USP15: variants seen among roughly 807,000 people sequenced by gnomAD.
USP15 encodes the protein ubiquitin carboxyl-terminal hydrolase 15.
In USP15, 18 loss-of-function variants were observed where a neutral mutation model predicts 127.1. That is an observed-to-expected ratio of 0.14 (90% confidence interval 0.10 to 0.21). USP15 has a LOEUF of 0.21. Among genes scored for constraint, USP15 ranks in the 10% least tolerant of loss-of-function variants. The pLI, the probability that USP15 is intolerant of heterozygous loss-of-function variation, is 1.00. For synonymous variants in USP15, 364 were observed against 393.7 expected, an observed-to-expected ratio of 0.92 and a Z score of 0.89; for missense variants, 805 against 1,159.9, an observed-to-expected ratio of 0.69 and a Z score of 4.44.
intron 1 of USP15, among the ~76,000 whole-genome samples, chr12:62,292,986 G>A (rs1250442154): frequency 6.6e-6 from 1 of 152,172 alleles, no homozygotes; most frequent in Non-Finnish European, 1.5e-5. Flanking sequence ...AAAGTCCCCT[G>A]ATGGATATGC....
intron 2 of USP15, among the ~76,000 whole-genome samples, chr12:62,302,496 T>TG (rs1160478088): frequency 6.6e-6 from 1 of 152,190 alleles, no homozygotes; most frequent in Non-Finnish European, 1.5e-5. Context: ...ATGGGCTGCA[T>TG]GCGGCCCAGG....
intron 6 of USP15, 46 bp from the exon 7 acceptor site, chr12:62,349,175 A>G (rs774310497): frequency 8.6e-7 from 1 of 1,166,170 alleles, no homozygotes; most frequent in South Asian, 1.8e-5. Flanking sequence ...TTAATTTAAA[A>G]ATTCTTCATT....
At chr12:62,369,007 T>A (rs1185093699) in intron 8 of USP15, among the ~76,000 whole-genome samples, 1 of 152,154 alleles carries the variant, frequency 6.6e-6, no homozygotes, top group Admixed American at 6.5e-5. Flanking sequence ...ATTCATTGAG[T>A]CTCTACTATG....
At chr12:62,265,782 A>C (rs376019407) in intron 1 of USP15, among the ~76,000 whole-genome samples, 18 of 152,096 alleles carry the variant, frequency 1.2e-4, no homozygotes, top group African/African-American at 4.1e-4. Context: ...CCTGACCTCA[A>C]ATGATCCTCT....
At chr12:62,395,946 C>T (rs553892535) in intron 19 of USP15, among the ~76,000 whole-genome samples, 1 of 152,166 alleles carries the variant, frequency 6.6e-6, no homozygotes, top group South Asian at 2.1e-4. Flanking sequence ...TTCGTCAAAT[C>T]AACAAGATTT....
chr12:62,347,385 A>G (rs1349865103), intron 6 of USP15, among the ~76,000 whole-genome samples: 1 of 150,160 alleles, frequency 6.7e-6, no homozygotes, highest in East Asian at 1.9e-4. Context: ...TATTATATAT[A>G]ATATATATGT....
intron 2 of USP15, among the ~76,000 whole-genome samples, chr12:62,301,775 C>T (rs1302063118): frequency 6.6e-6 from 1 of 152,050 alleles, no homozygotes; most frequent in Non-Finnish European, 1.5e-5. Context: ...TTGTTTATAT[C>T]TTATTGGGAA....
At chr12:62,393,532 G>T in intron 19 of USP15, 1 of 177,860 alleles carries the variant, frequency 5.6e-6, no homozygotes, top group Non-Finnish European at 1.2e-5. Flanking sequence ...GTTTATCCTA[G>T]GAATTACTTC....
At chr12:62,390,009 C>A in intron 14 of USP15, 21 bp downstream of exon 14, 1 of 1,540,686 alleles carries the variant, frequency 6.5e-7, no homozygotes, top group South Asian at 1.2e-5. Context: ...GACAATTCTA[C>A]ATTGACAAAA....
chr12:62,277,483 T>G (rs2063526944), intron 1 of USP15: 1 of 152,102 alleles, frequency 6.6e-6, no homozygotes, highest in Non-Finnish European at 1.5e-5. Flanking sequence ...AAATGGCATA[T>G]AAAAGATTTT....
At chr12:62,320,616 T>G (rs1161641125) in intron 4 of USP15, among the ~76,000 whole-genome samples, 1 of 152,146 alleles carries the variant, frequency 6.6e-6, no homozygotes, top group African/African-American at 2.4e-5. Context: ...TCCTACTGAT[T>G]TAATGCCCTT....
At chr12:62,376,671 A>G (rs980440192) in intron 8 of USP15, among the ~76,000 whole-genome samples, 6 of 152,192 alleles carry the variant, frequency 3.9e-5, no homozygotes, top group East Asian at 1.9e-4. Flanking sequence ...TTCATTTGTC[A>G]TGATACATTC....
At chr12:62,346,468 G>C (rs1349354201) in intron 6 of USP15, among the ~76,000 whole-genome samples, 1 of 152,044 alleles carries the variant, frequency 6.6e-6, no homozygotes, top group Non-Finnish European at 1.5e-5. Context: ...AAATAGTTTT[G>C]ACCTCACCAA....
chr12:62,398,112 C>G (rs2067555731), intron 20 of USP15, among the ~76,000 whole-genome samples: 1 of 151,852 alleles, frequency 6.6e-6, no homozygotes, highest in South Asian at 2.1e-4. Context: ...CCACCTTTGC[C>G]TCCCGAGTAG....
At position 62,410,567 on chromosome 12, in the gene USP15, A is replaced by T. The variant is rs2068014442; in HGVS notation, c.*6192A>T. ...AATACTGCAAATTCAAACAGTAAAC[A>T]TCATTAATCCTAGATATTTGGGTAC... On this transcript the variant is annotated 3_prime_UTR_variant, in exon 22 of 22. Coordinates refer to ENST00000280377, the MANE Select transcript of USP15 (RefSeq NM_001252078.2). 6.6e-6 allele frequency: 1 copy of T among 152,176 alleles called. No individual in the cohort carries two copies. The highest frequency in any genetic ancestry group is 2.1e-4 in the South Asian group (1 of 4,836). 9.4% of individuals were successfully genotyped at this position (152,176 alleles called of 1,614,324 possible). A position where few individuals can be genotyped will look rare whatever the true frequency, so the allele number is the denominator to read the frequency against.
chr12:62,365,307 T>G (rs1279452891), intron 8 of USP15, among the ~76,000 whole-genome samples: 1 of 152,222 alleles, frequency 6.6e-6, no homozygotes, highest in Non-Finnish European at 1.5e-5. Flanking sequence ...TAATGACCAG[T>G]GATGAAGAGC....
chr12:62,322,212 C>G (rs2065004887), intron 5 of USP15, among the ~76,000 whole-genome samples: 1 of 152,186 alleles, frequency 6.6e-6, no homozygotes, highest in Non-Finnish European at 1.5e-5. Flanking sequence ...ACTGCAACCT[C>G]TGCTTCCCAA....
In USP15 at chr12:62,389,630, A is replaced by G; in HGVS notation, c.1583A>G (p.His528Arg). The change falls in exon 13 of 22, where the codon CAT becomes CGT. Residue 528 changes from histidine (H) to arginine (R), a missense_variant. His to Arg is a conservative substitution (Grantham distance 29, BLOSUM62 0). Coordinates refer to ENST00000280377, the MANE Select transcript of USP15 (RefSeq NM_001252078.2). ...ATGATAGTTACTGATATATACAATC[A>G]TAGATTTCACAGAATATTCGCTATG... Reference protein sequence around the residue: ...DKMIVTDIYNHRFHRIFAMDE... With the variant: ...DKMIVTDIYNRRFHRIFAMDE... 1 of 1,613,394 alleles carries G rather than the reference A, an allele frequency of 6.2e-7. No individual in the cohort carries two copies. Among genetic ancestry groups the G allele is most frequent in the Non-Finnish European group, 8.5e-7 (1 of 1,179,620 alleles).
intron 3 of USP15, among the ~76,000 whole-genome samples, chr12:62,310,108 G>C (rs1001481075): frequency 2.6e-5 from 4 of 151,906 alleles, no homozygotes; most frequent in Non-Finnish European, 4.4e-5. Flanking sequence ...AAATTTAACA[G>C]GTTGCCTGAT....
Sources: gnomAD v4.1 joint callset for allele counts (sites outside exome capture counted in the v4.1 genomes callset) on GRCh38, gnomAD v4.1.1 for gene constraint, MANE v1.5 for transcripts, NCBI Gene and HGNC (gene_info 2026-07-23, HGNC 2026-07-21) for gene names.